CHAF1B: variants seen among roughly 807,000 people sequenced by gnomAD.
CHAF1B encodes the protein chromatin assembly factor 1 subunit B, also known as CAF-1 subunit B.
Under a neutral mutation model 60.7 loss-of-function variants are expected in CHAF1B, and 10 were observed. The ratio of observed to expected loss-of-function variants is 0.16; its 90% confidence interval spans 0.10 to 0.28. CHAF1B has a LOEUF of 0.28. CHAF1B is among the 10% of genes least tolerant of loss of function. The pLI is 1.00. For synonymous variants in CHAF1B, 261 were observed against 266.1 expected (o/e 0.98, Z 0.19); for missense variants, 558 against 708.4 (o/e 0.79, Z 2.41).
chr21:36,397,485 A>G lies in CHAF1B; in HGVS notation c.552A>G (p.Gln184=). 4 of 1,561,150 alleles carry G rather than the reference A, an allele frequency of 2.6e-6. No homozygotes were observed. Among genetic ancestry groups the G allele is most frequent in the African/African-American group, 2.7e-5 (2 of 73,998 alleles). ...GAGTAACCTGGGACCCTTTGGGTCA[A>G]TATGTTGCTACTCTGAGCTGTGACA... ...VQGVTWDPLG[Q]YVATLSCDRV... Residue 184 remains glutamine, a synonymous_variant, in exon 6 of 14, where the codon CAA becomes CAG. Transcript: ENST00000314103.
At chr21:36,414,507 A>T (rs1213077344) in intron 12 of CHAF1B, among the ~76,000 whole-genome samples, 1 of 152,114 alleles carries the variant, frequency 6.6e-6, no homozygotes, top group African/African-American at 2.4e-5. Flanking sequence ...GTATTAAATT[A>T]TTTTTCCCCT....
At chr21:36,402,462 A>G (rs142631891) in intron 7 of CHAF1B, among the ~76,000 whole-genome samples, 10 of 152,328 alleles carry the variant, frequency 6.6e-5, no homozygotes, top group Non-Finnish European at 1.0e-4. Context: ...TTTAAAAATA[A>G]TTTTAGAACC....
At chr21:36,400,944 G>T (rs1158420824) in intron 7 of CHAF1B, among the ~76,000 whole-genome samples, 3 of 152,118 alleles carry the variant, frequency 2.0e-5, no homozygotes, top group African/African-American at 7.2e-5. Context: ...GGCGCTGACA[G>T]GCACTGAGAG....
intron 4 of CHAF1B, among the ~76,000 whole-genome samples, chr21:36,393,214 G>C (rs191088716): frequency 7.1e-4 from 108 of 152,218 alleles, no homozygotes; most frequent in African/African-American, 2.2e-3. Context: ...GAGAGCGGGA[G>C]AGGGAGAGGG....
chr21:36,402,766 C>G lies in CHAF1B; in HGVS notation c.672C>G (p.Ser224Arg). ...SGIGAEGEAR[S>R]YRMFHDDSMK... ...AATTTTGTGTGCGACAGGCAAGAAG[C>G]TACCGGATGTTTCACGACGACAGCA... Residue 224 changes from serine (S) to arginine (R), a missense_variant, in exon 8 of 14, where the codon AGC (serine) becomes AGG (arginine). This residue lies in a region of CHAF1B where 325 missense variants were observed against 493.5 expected (regional missense o/e 0.66). Coordinates refer to ENST00000314103, the MANE Select transcript of CHAF1B (RefSeq NM_005441.3). 6.2e-7 allele frequency: 1 copy of G among 1,612,932 alleles called. No individual in the cohort carries two copies. The highest frequency in any genetic ancestry group is 8.5e-7 in the Non-Finnish European group (1 of 1,179,344).
Position 36,389,800 on chromosome 21 carries a change from T to TGTGTGTGTGCGC in CHAF1B, c.260-1750_260-1749insTGTGTGTGCGCG. On this transcript the variant is annotated intron_variant, in intron 3 of 13. Coordinates refer to ENST00000314103, the MANE Select transcript of CHAF1B (RefSeq NM_005441.3). The stretch of plus-strand genomic sequence containing the variant: ...GTGTGTGTGTGTGTGTGTGTGTGTG[T>TGTGTGTGTGCGC]GCGCGCGCACGCTGATTTGTAGAGG... Among the ~76,000 whole-genome samples, 493 of 124,764 alleles carry TGTGTGTGTGCGC rather than the reference T, an allele frequency of 4.0e-3. 5 individuals carry two copies. Among genetic ancestry groups the TGTGTGTGTGCGC allele is most frequent in the African/African-American group, 0.014 (408 of 28,420 alleles). The allele number at this position is 124,764 out of a possible 152,430, so 81.9% of individuals were successfully genotyped here.
chr21:36,391,503 A>T, intron 3 of CHAF1B, 48 bp from the exon 4 acceptor site: 2 of 1,068,692 alleles, frequency 1.9e-6, no homozygotes, highest in Non-Finnish European at 2.8e-6. Flanking sequence ...TCCTAATATG[A>T]AGGAGTGTGG....
chr21:36,395,368 G>A (rs2086128938), intron 5 of CHAF1B, among the ~76,000 whole-genome samples: 1 of 152,212 alleles, frequency 6.6e-6, no homozygotes, highest in South Asian at 2.1e-4. Context: ...AACTTTAAAA[G>A]CAACACAAAA....
rs749877526 is a variant in CHAF1B, at chr21:36,411,564, G to C, written c.1021G>C (p.Val341Leu). The change falls in exon 11 of 14, where the codon GTG becomes CTG. Residue 341 changes from valine to leucine, a missense_variant. Val to Leu is a conservative substitution (Grantham distance 32). Coordinates refer to ENST00000314103, the MANE Select transcript of CHAF1B (RefSeq NM_005441.3). ...CCAGCAGTCCTTCCCTTTTGGTTACGTGTCTAATATACATTACCACACCCT... is the reference window on the plus strand; with the variant it reads ...CCAGCAGTCCTTCCCTTTTGGTTACCTGTCTAATATACATTACCACACCCT... ...DTQQSFPFGY[V>L]SNIHYHTLSD... The C allele has an allele frequency of 6.2e-7, 1 of 1,614,046 alleles. No homozygotes were observed. Among genetic ancestry groups the C allele is most frequent in the East Asian group, 2.2e-5 (1 of 44,880 alleles).
intron 6 of CHAF1B, among the ~76,000 whole-genome samples, 196 bp from the exon 7 acceptor site, chr21:36,399,325 C>T (rs372789572): frequency 5.9e-5 from 9 of 152,118 alleles, no homozygotes; most frequent in East Asian, 1.9e-4. Flanking sequence ...CGTGAGCTAC[C>T]GCGCCCGGCC....
At chr21:36,401,255 G>A (rs1169537274) in intron 7 of CHAF1B, among the ~76,000 whole-genome samples, 2 of 148,294 alleles carry the variant, frequency 1.3e-5, no homozygotes, top group Non-Finnish European at 3.0e-5. Context: ...CAACAAGAGC[G>A]AAACTCTGGC....
chr21:36,392,913 C>T (rs2086103375), intron 4 of CHAF1B, among the ~76,000 whole-genome samples: 1 of 152,200 alleles, frequency 6.6e-6, no homozygotes, highest in South Asian at 2.1e-4. Flanking sequence ...GCCCTCCAGC[C>T]TGGGCAACAT....
In CHAF1B at chr21:36,413,183, C is replaced by T. The variant is rs955157014; in HGVS notation, c.1361C>T (p.Pro454Leu). 2.5e-6 allele frequency: 4 copies of T among 1,614,028 alleles called. No homozygotes were observed. The highest frequency in any genetic ancestry group is 3.4e-6 in the Non-Finnish European group (4 of 1,180,034). Residue 454 changes from proline to leucine, a missense_variant, in exon 12 of 14, where the codon CCT becomes CTT. By Grantham distance (98) the Pro-to-Leu change is moderately conservative. Transcript: ENST00000314103. The part of the protein sequence containing the change: ...TVIRDPPSIT[P>L]AVKSPLPGPS... ...ATCAGGGACCCTCCCTCCATCACTC[C>T]TGCTGTCAAAAGCCCCTTGCCGGGG...
chr21:36,413,935 G>A (rs1050910925), intron 12 of CHAF1B, among the ~76,000 whole-genome samples: 1 of 152,200 alleles, frequency 6.6e-6, no homozygotes, highest in African/African-American at 2.4e-5. Context: ...AATTCCAGGA[G>A]TGTCTTCCTG....
At chr21:36,410,486 C>T (rs1601568097) in intron 10 of CHAF1B, among the ~76,000 whole-genome samples, 2 of 151,682 alleles carry the variant, frequency 1.3e-5, no homozygotes, top group East Asian at 3.9e-4. Flanking sequence ...TTTTCTTCTT[C>T]CAGTGTTTGA....
intron 10 of CHAF1B, 116 bp from the exon 11 acceptor site, chr21:36,411,347 C>G (rs1164595026): frequency 8.0e-7 from 1 of 1,246,462 alleles, no homozygotes; most frequent in South Asian, 1.4e-5. Flanking sequence ...CTCCTGAGCT[C>G]AAGTGATCCA....
Position 36,415,250 on chromosome 21 carries a change from T to C in CHAF1B, c.1494-45T>C, listed in dbSNP as rs564839140. The C allele has an allele frequency of 3.5e-6, 4 of 1,142,328 alleles. No homozygotes were observed. The South Asian group carries it at 5.0e-5, about 14-fold the overall frequency. 70.8% of individuals were successfully genotyped at this position (1,142,328 alleles called of 1,614,324 possible). A position where few individuals can be genotyped will look rare whatever the true frequency, so the allele number is the denominator to read the frequency against. ...TATCATACATAAACAATTCCTGTGA[T>C]ACTAATGAGCCATCACCCCTCTACT... is the stretch of plus-strand genomic sequence containing the variant. On this transcript the variant is annotated intron_variant, in intron 12 of 13. Coordinates refer to ENST00000314103, the MANE Select transcript of CHAF1B (RefSeq NM_005441.3).
At chr21:36,397,684 A>T in intron 6 of CHAF1B, 173 bp downstream of exon 6, 1 of 373,424 alleles carries the variant, frequency 2.7e-6, no homozygotes, top group Non-Finnish European at 4.8e-6. Flanking sequence ...ATTAATTAGG[A>T]CAAGTGCCTT....
chr21:36,416,417 G>A lies in CHAF1B; in HGVS notation c.*51G>A. The A allele has an allele frequency of 6.6e-7, 1 of 1,506,592 alleles. No individual in the cohort carries two copies. The highest frequency in any genetic ancestry group is 2.3e-5 in the East Asian group (1 of 43,816). 93.3% of individuals were successfully genotyped at this position (1,506,592 alleles called of 1,614,324 possible). A position where few individuals can be genotyped will look rare whatever the true frequency, so the allele number is the denominator to read the frequency against. ...CTACCAGGCTCCCGGTGTGTGCAGG[G>A]AGACGGTAAAGCTGGAGGTGCCTGA... is the stretch of plus-strand genomic sequence containing the variant. On this transcript the variant is annotated 3_prime_UTR_variant, in exon 14 of 14. Transcript: ENST00000314103.
Sources: allele counts gnomAD v4.1 joint callset (sites outside exome capture counted in the v4.1 genomes callset), GRCh38; gene constraint gnomAD v4.1.1; regional missense constraint gnomAD v4.1.1; transcripts MANE v1.5; gene names NCBI Gene and HGNC (gene_info 2026-07-23, HGNC 2026-07-21).